The following SDK1 variants were observed in gnomAD, a reference collection of about 807,000 sequenced individuals.
SDK1 encodes protein sidekick-1.
In SDK1, 157 loss-of-function variants were observed where a neutral mutation model predicts 245.5. The observed-to-expected ratio is 0.64, with a 90% CI of 0.56 to 0.73. The LOEUF (loss-of-function observed/expected upper bound fraction) is 0.73, where lower values mean the gene tolerates loss of function less well. Among genes scored for constraint, SDK1 ranks in the 30% least tolerant of loss-of-function variants. SDK1 has a pLI of 0.00. For missense variants in SDK1, 3,583 were observed against 3,002.3 expected, an observed-to-expected ratio of 1.19 and a Z score of -4.52; for synonymous variants, 1,647 against 1,278.5, an observed-to-expected ratio of 1.29 and a Z score of -6.15.
intron 4 of SDK1, among the ~76,000 whole-genome samples, chr7:3,666,467 C>G (rs2128661299): frequency 6.6e-6 from 1 of 152,304 alleles, no homozygotes; most frequent in African/African-American, 2.4e-5. Context: ...ATTTCCCAGG[C>G]TCCTGCCCTC....
intron 5 of SDK1, among the ~76,000 whole-genome samples, chr7:3,907,578 C>T (rs186106771): frequency 7.0e-4 from 106 of 152,258 alleles, no homozygotes; most frequent in Admixed American, 1.0e-3. Flanking sequence ...AGTGAACATT[C>T]GTGTACAAGT....
intron 17 of SDK1, among the ~76,000 whole-genome samples, chr7:4,044,615 T>C (rs1370635992): frequency 6.6e-6 from 1 of 152,044 alleles, no homozygotes; most frequent in Non-Finnish European, 1.5e-5. Context: ...GGCTACTTTT[T>C]TTACTTTTGT....
chr7:4,010,589 G>A (rs1030853597), intron 14 of SDK1, among the ~76,000 whole-genome samples: 1 of 152,164 alleles, frequency 6.6e-6, no homozygotes, highest in African/African-American at 2.4e-5. Flanking sequence ...AGTGACATGT[G>A]CAGCATCCTT....
At chr7:3,719,467 C>T (rs1312318414) in intron 4 of SDK1, among the ~76,000 whole-genome samples, 3 of 152,054 alleles carry the variant, frequency 2.0e-5, no homozygotes, top group East Asian at 1.9e-4. Flanking sequence ...TAGGACAAGA[C>T]AGAGAACCCA....
At chr7:3,940,607 C>T (rs1278611443) in intron 5 of SDK1, among the ~76,000 whole-genome samples, 3 of 151,986 alleles carry the variant, frequency 2.0e-5, no homozygotes, top group Non-Finnish European at 4.4e-5. Context: ...CTTTGGGAGG[C>T]TGAGGCACTT....
chr7:3,609,817 C>T (rs1485090455), intron 1 of SDK1, among the ~76,000 whole-genome samples: 1 of 151,958 alleles, frequency 6.6e-6, no homozygotes, highest in African/African-American at 2.4e-5. Flanking sequence ...TCTCCTGCCT[C>T]AGACTCACAG....
At chr7:3,747,046 G>T (rs1367741668) in intron 4 of SDK1, among the ~76,000 whole-genome samples, 2 of 152,298 alleles carry the variant, frequency 1.3e-5, no homozygotes, top group Middle Eastern at 3.4e-3. Flanking sequence ...TGATTCATAG[G>T]CTGCAGAATG....
intron 28 of SDK1, chr7:4,134,794 G>C: frequency 6.6e-6 from 1 of 152,444 alleles, no homozygotes; most frequent in Non-Finnish European, 1.5e-5. Context: ...GCGTGGGAGC[G>C]GTGCAGGAGC....
Position 4,051,699 on chromosome 7 carries a change from T to G in SDK1, c.2780T>G (p.Phe927Cys). ...ACTGTGGTCACTATTGCCCCAGATT[T>G]CCACGGAGTCCACCATGGACACATA... ...AVTVVTIAPD[F>C]HGVHHGHITN... The change falls in exon 19 of 45, where the codon TTC becomes TGC. Residue 927 changes from phenylalanine to cysteine, a missense_variant. Transcript: ENST00000404826. 1.9e-6 allele frequency: 3 copies of G among 1,613,750 alleles called. No individual in the cohort carries two copies. Among genetic ancestry groups the G allele is most frequent in the Non-Finnish European group, 2.5e-6 (3 of 1,179,858 alleles).
intron 1 of SDK1, among the ~76,000 whole-genome samples, chr7:3,417,462 C>T (rs973790515): frequency 1.2e-4 from 18 of 152,028 alleles, no homozygotes; most frequent in Admixed American, 1.1e-3. Context: ...TTTTTTCTCT[C>T]TCTTACTTGC....
chr7:3,522,809 C>A (rs1000277601), intron 1 of SDK1, among the ~76,000 whole-genome samples: 1 of 152,110 alleles, frequency 6.6e-6, no homozygotes, highest in African/African-American at 2.4e-5. Context: ...AAAATTGTTT[C>A]CGTGTTGATC....
At chr7:3,662,379 C>G (rs1407737310) in intron 4 of SDK1, among the ~76,000 whole-genome samples, 1 of 152,136 alleles carries the variant, frequency 6.6e-6, no homozygotes, top group Non-Finnish European at 1.5e-5. Context: ...CACTGGGAGC[C>G]AGGGACACAT....
In SDK1 at chr7:3,874,368, C is replaced by T. The variant is rs10239349; in HGVS notation, c.847+52785C>T. ...GAATCTGCTTCTTGCAGCTCCCCTG[C>T]TGTATCCTTCAATTATGTTTGCTTA... On this transcript the variant is annotated intron_variant, in intron 5 of 44. Transcript: ENST00000404826. Among the ~76,000 whole-genome samples, 1,258 of 152,302 alleles carry T rather than the reference C, an allele frequency of 8.3e-3. 22 individuals carry two copies. The highest frequency in any genetic ancestry group is 0.029 in the African/African-American group (1,187 of 41,552).
chr7:3,605,868 G>T (rs1019557770), intron 1 of SDK1, among the ~76,000 whole-genome samples: 4 of 151,442 alleles, frequency 2.6e-5, no homozygotes, highest in African/African-American at 9.7e-5. Context: ...CATTTAATTT[G>T]TATGTTTCAT....
chr7:3,899,755 C>T (rs992592825), intron 5 of SDK1, among the ~76,000 whole-genome samples: 5 of 152,194 alleles, frequency 3.3e-5, no homozygotes, highest in Admixed American at 3.3e-4. Flanking sequence ...CCCCAGATGT[C>T]CTTGCCCACC....
chr7:4,175,884 G>A, intron 34 of SDK1, 50 bp downstream of exon 34: 1 of 1,531,506 alleles, frequency 6.5e-7, no homozygotes, highest in Non-Finnish European at 9.0e-7. Flanking sequence ...CACACACTGT[G>A]CCCAGAGCCA....
chr7:3,884,089 T>G (rs540740857), intron 5 of SDK1, among the ~76,000 whole-genome samples: 8 of 102,100 alleles, frequency 7.8e-5, no homozygotes, highest in East Asian at 4.9e-4. Context: ...TTTTGTTTTT[T>G]TTTTTTTTTG....
At chr7:4,055,655 T>A (rs1779148639) in intron 19 of SDK1, among the ~76,000 whole-genome samples, 2 of 152,070 alleles carry the variant, frequency 1.3e-5, no homozygotes, top group African/African-American at 2.4e-5. Flanking sequence ...TCTTTATAAT[T>A]TCCTTCCTCT....
chr7:4,096,935 C>T (rs1455694791), intron 22 of SDK1, among the ~76,000 whole-genome samples: 5 of 152,214 alleles, frequency 3.3e-5, no homozygotes, highest in Non-Finnish European at 4.4e-5. Context: ...GGCTCAAACA[C>T]CCACAGTGGC....
Sources: gnomAD v4.1 joint callset for allele counts (sites outside exome capture counted in the v4.1 genomes callset) on GRCh38, gnomAD v4.1.1 for gene constraint, MANE v1.5 for transcripts, NCBI Gene and HGNC (gene_info 2026-07-23, HGNC 2026-07-21) for gene names.